PGD: variants seen among roughly 807,000 people sequenced by gnomAD.
PGD encodes 6-phosphogluconate dehydrogenase, decarboxylating.
PGD carries 21 observed loss-of-function variants against 60.4 expected under a neutral mutation model. That is an observed-to-expected ratio of 0.35 (90% CI 0.25 to 0.50). The LOEUF (loss-of-function observed/expected upper bound fraction) is 0.50, where lower values mean the gene tolerates loss of function less well. Ranked by LOEUF, PGD falls within the 20% of genes least tolerant of loss-of-function variation. The pLI is 0.98. For synonymous variants in PGD, 230 were observed against 235.9 expected, an observed-to-expected ratio of 0.97 and a Z score of 0.23; for missense variants, 477 against 613.1, an observed-to-expected ratio of 0.78 and a Z score of 2.34.
At chr1:10,407,512 C>T (rs1639427995) in intron 5 of PGD, among the ~76,000 whole-genome samples, 1 of 152,124 alleles carries the variant, frequency 6.6e-6, no homozygotes, top group South Asian at 2.1e-4. Context: ...TCTGTAGTCT[C>T]AGTCCGATAG....
chr1:10,400,382 T>A lies in PGD; in HGVS notation c.85-11T>A, dbSNP rs1639294227. The stretch of plus-strand genomic sequence containing the variant: ...TCCTGGATCTCCTACTCAGGACTTT[T>A]GTCCTTCTAGGTCTGTGCTTTTAAT... On this transcript the variant is annotated splice_polypyrimidine_tract_variant and intron_variant, in intron 2 of 12. Transcript: ENST00000270776. 6.2e-7 allele frequency: 1 copy of A among 1,603,398 alleles called. No individual in the cohort carries two copies. The highest frequency in any genetic ancestry group is 8.5e-7 in the Non-Finnish European group (1 of 1,172,768).
chr1:10,400,445 A>C lies in PGD; in HGVS notation c.137A>C (p.Glu46Ala), dbSNP rs749399738. 6 of 1,613,754 alleles carry C rather than the reference A, an allele frequency of 3.7e-6. No homozygotes were observed. The highest frequency in any genetic ancestry group is 5.1e-6 in the Non-Finnish European group (6 of 1,179,828). Reference sequence around the variant, plus strand: ...AAAGTTGATGATTTCTTGGCCAATGAGGCAAAGGGAACCAAAGTGGTGGGT... The same window carrying C: ...AAAGTTGATGATTTCTTGGCCAATGCGGCAAAGGGAACCAAAGTGGTGGGT... ...VSKVDDFLAN[E>A]AKGTKVVGAQ... The change falls in exon 3 of 13, where the codon GAG becomes GCG. Residue 46 changes from glutamate to alanine, a missense_variant. Physicochemically the swap from Glu to Ala is moderately radical, Grantham distance 107. Transcript: ENST00000270776.
At chr1:10,414,741 C>G (rs1187770246) in intron 8 of PGD, among the ~76,000 whole-genome samples, 1 of 151,924 alleles carries the variant, frequency 6.6e-6, no homozygotes, top group Admixed American at 6.6e-5. Context: ...ACGAAGGATG[C>G]CTCTCGTGGT....
chr1:10,405,094 G>A (rs903779587), intron 5 of PGD, among the ~76,000 whole-genome samples: 1 of 152,080 alleles, frequency 6.6e-6, no homozygotes, highest in South Asian at 2.1e-4. Flanking sequence ...ATATAAATTG[G>A]CCGGGCGTGG....
intron 8 of PGD, among the ~76,000 whole-genome samples, chr1:10,416,638 TG>T (rs1639599874): frequency 6.6e-6 from 1 of 151,912 alleles, no homozygotes; most frequent in Admixed American, 6.6e-5. Flanking sequence ...GAGATAGGGG[TG>T]GGGCCATTTT....
chr1:10,415,716 CCT>C (rs1182060344), intron 8 of PGD, among the ~76,000 whole-genome samples: 1 of 152,176 alleles, frequency 6.6e-6, no homozygotes, highest in Non-Finnish European at 1.5e-5. Flanking sequence ...GAAATAAAGT[CCT>C]CTGTTAGTTC....
chr1:10,403,569 C>T (rs11121564), intron 4 of PGD, among the ~76,000 whole-genome samples: 2 of 122,754 alleles, frequency 1.6e-5, no homozygotes, highest in East Asian at 2.4e-4. Context: ...CCAGCCTGGG[C>T]GACAGAGTGA....
At chr1:10,403,275 A>G in intron 4 of PGD, 139 bp downstream of exon 4, 1 of 648,480 alleles carries the variant, frequency 1.5e-6, no homozygotes, top group Non-Finnish European at 2.8e-6. Context: ...AATAGTTCTC[A>G]GCCTTTTTTT....
rs765289381 is a variant in PGD at position 10,419,738 on chromosome 1, T to G, written c.1441T>G (p.Tyr481Asp). ...TGGTGGCACCGTGTCATCCTCGTCATACAATGCCTGATCATGCTGCTCCTG... is the reference window on the plus strand; with the variant it reads ...TGGTGGCACCGTGTCATCCTCGTCAGACAATGCCTGATCATGCTGCTCCTG... ...GHGGTVSSSSYNA is the reference protein window; with the variant it reads ...GHGGTVSSSSDNA The change falls in exon 13 of 13, where the codon TAC (tyrosine) becomes GAC (aspartate). Residue 481 changes from tyrosine (Y) to aspartate (D), a missense_variant. Tyr to Asp is a radical substitution (Grantham distance 160). This residue lies in a region of PGD where 44 missense variants were observed against 40.3 expected (regional missense o/e 1.09). Coordinates refer to ENST00000270776, the MANE Select transcript of PGD (RefSeq NM_002631.4). The G allele has an allele frequency of 1.2e-6, 2 of 1,614,200 alleles. No homozygotes were observed. Among genetic ancestry groups the G allele is most frequent in the Non-Finnish European group, 1.7e-6 (2 of 1,180,032 alleles).
At chr1:10,412,881 A>T (rs1400110339) in intron 7 of PGD, 181 bp from the exon 8 acceptor site, 1 of 572,088 alleles carries the variant, frequency 1.7e-6, no homozygotes, top group Non-Finnish European at 3.1e-6. Context: ...CAGGTTCAGA[A>T]CAAACACAAC....
Position 10,417,091 on chromosome 1 carries a change from A to T in PGD, c.949A>T (p.Lys317Ter). The change falls in exon 9 of 13, where the codon AAA becomes TAA. Residue 317 changes from lysine to a stop codon, truncating the protein, a stop_gained. Coordinates refer to ENST00000270776, the MANE Select transcript of PGD (RefSeq NM_002631.4). LOFTEE classifies it high-confidence loss of function. The part of the protein sequence containing the change: ...PQKFQFDGDK[K>*]SFLEDIRKAL... ...GAAGTTCCAGTTTGATGGTGATAAGAAATCATTCCTGGAGGACATTCGGAA... is the reference window on the plus strand; with the variant it reads ...GAAGTTCCAGTTTGATGGTGATAAGTAATCATTCCTGGAGGACATTCGGAA... 3.1e-6 allele frequency: 5 copies of T among 1,614,056 alleles called. No individual in the cohort carries two copies. Among genetic ancestry groups the T allele is most frequent in the Non-Finnish European group, 4.2e-6 (5 of 1,179,936 alleles).
At position 10,417,062 on chromosome 1, in the gene PGD, C is replaced by A. The variant is rs1197264600; in HGVS notation, c.920C>A (p.Pro307His). 1 of 1,613,962 alleles carries A rather than the reference C, an allele frequency of 6.2e-7. No homozygotes were observed. The highest frequency in any genetic ancestry group is 8.5e-7 in the Non-Finnish European group (1 of 1,179,900). ...CAAGCTAGCAAAAAGCTGAAGGGTC[C>A]CCAGAAGTTCCAGTTTGATGGTGAT... The part of the protein sequence containing the change: ...RIQASKKLKG[P>H]QKFQFDGDKK... Residue 307 changes from proline (P) to histidine (H), a missense_variant, in exon 9 of 13, where the codon CCC (proline) becomes CAC (histidine). Transcript: ENST00000270776.
At chr1:10,417,815 T>C (rs1639622235) in intron 10 of PGD, among the ~76,000 whole-genome samples, 1 of 152,152 alleles carries the variant, frequency 6.6e-6, no homozygotes, top group Non-Finnish European at 1.5e-5. Context: ...GTTCAAGTGA[T>C]TCTCCTGCCT....
At chr1:10,400,916 ACCC>A (rs1639305115) in intron 3 of PGD, among the ~76,000 whole-genome samples, 1 of 152,066 alleles carries the variant, frequency 6.6e-6, no homozygotes, top group Non-Finnish European at 1.5e-5. Context: ...ACATGGCGAA[ACCC>A]TGTCTCTACA....
intron 8 of PGD, among the ~76,000 whole-genome samples, chr1:10,415,787 C>A (rs1639584903): frequency 6.6e-6 from 1 of 152,182 alleles, no homozygotes; most frequent in Non-Finnish European, 1.5e-5. Context: ...GTCATTTATT[C>A]TAACTATAAG....
intron 3 of PGD, among the ~76,000 whole-genome samples, chr1:10,400,918 C>T (rs1057079560): frequency 6.6e-6 from 1 of 152,038 alleles, no homozygotes; most frequent in African/African-American, 2.4e-5. Flanking sequence ...ATGGCGAAAC[C>T]CTGTCTCTAC....
Position 10,419,917 on chromosome 1 carries a change from G to A in PGD, c.*168G>A, listed in dbSNP as rs1224602841. 3 of 757,748 alleles carry A rather than the reference G, an allele frequency of 4.0e-6. No individual in the cohort carries two copies. Among genetic ancestry groups the A allele is most frequent in the Non-Finnish European group, 6.4e-6 (3 of 470,534 alleles). The allele number at this position is 757,748 out of a possible 1,614,324, so 46.9% of individuals were successfully genotyped here. ...TTATTTGTAAAGTAGCTCTGTGAGA[G>A]CCACCATGCCCTCTGCCCTTGCCTC... On this transcript the variant is annotated 3_prime_UTR_variant, in exon 13 of 13. Coordinates refer to ENST00000270776, the MANE Select transcript of PGD (RefSeq NM_002631.4).
chr1:10,407,944 G>A, intron 5 of PGD, 127 bp from the exon 6 acceptor site: 1 of 678,158 alleles, frequency 1.5e-6, no homozygotes, highest in Non-Finnish European at 2.6e-6. Flanking sequence ...GTGAGACCCT[G>A]TCTCAAAAAA....
At chr1:10,400,981 A>G (rs561113042) in intron 3 of PGD, among the ~76,000 whole-genome samples, 14 of 152,162 alleles carry the variant, frequency 9.2e-5, no homozygotes, top group African/African-American at 3.4e-4. Flanking sequence ...GGTCCCAGCT[A>G]CAAGCTTATG....
Sources: gnomAD v4.1 joint callset for allele counts (sites outside exome capture counted in the v4.1 genomes callset) on GRCh38, gnomAD v4.1.1 for gene constraint, gnomAD v4.1.1 regional missense constraint, MANE v1.5 for transcripts, NCBI Gene and HGNC (gene_info 2026-07-23, HGNC 2026-07-21) for gene names.